Variants in NCKAP5 observed in about 807,000 individuals in gnomAD.
The protein encoded by NCKAP5 is NCK associated protein 5, also known as nck-associated protein 5.
A neutral mutation model predicts 167.0 loss-of-function variants in NCKAP5; 92 were observed. That is an observed-to-expected ratio of 0.55 (90% CI 0.47 to 0.66). The LOEUF (loss-of-function observed/expected upper bound fraction) is 0.66. NCKAP5 is among the 30% of genes least tolerant of loss of function. The pLI is 0.00. For synonymous variants in NCKAP5, 891 were observed against 877.4 expected, an observed-to-expected ratio of 1.02 and a Z score of -0.27; for missense variants, 2,378 against 2,315.0, an observed-to-expected ratio of 1.03 and a Z score of -0.56.
intron 8 of NCKAP5, 126 bp downstream of exon 8, chr2:132,963,594 C>T (rs1558995581): frequency 1.7e-5 from 17 of 988,800 alleles, no homozygotes; most frequent in South Asian, 1.0e-4. Context: ...AGCAGGAAAT[C>T]GTAGATCATA....
chr2:133,424,863 C>A (rs1022454639), intron 3 of NCKAP5, among the ~76,000 whole-genome samples: 6 of 152,110 alleles, frequency 3.9e-5, no homozygotes, highest in African/African-American at 1.4e-4. Flanking sequence ...GCAAACCAGC[C>A]TCCATAAAAA....
At chr2:132,869,661 T>C (rs1475777374) in intron 9 of NCKAP5, among the ~76,000 whole-genome samples, 2 of 152,190 alleles carry the variant, frequency 1.3e-5, no homozygotes, top group Non-Finnish European at 2.9e-5. Flanking sequence ...GACAAAATTC[T>C]GGCCAATAAG....
chr2:133,537,199 T>C (rs1364881605), intron 2 of NCKAP5, among the ~76,000 whole-genome samples: 2 of 152,118 alleles, frequency 1.3e-5, no homozygotes, highest in Non-Finnish European at 2.9e-5. Context: ...TTGATTACTA[T>C]AGATTTATAG....
chr2:133,291,996 C>A (rs1345765757), intron 4 of NCKAP5, among the ~76,000 whole-genome samples: 2 of 152,094 alleles, frequency 1.3e-5, no homozygotes, highest in African/African-American at 2.4e-5. Context: ...GGCCCAAACA[C>A]CCCTCCCCAG....
At chr2:133,519,653 G>T (rs1224791187) in intron 2 of NCKAP5, among the ~76,000 whole-genome samples, 1 of 152,156 alleles carries the variant, frequency 6.6e-6, no homozygotes, top group Non-Finnish European at 1.5e-5. Context: ...AATAGATTGT[G>T]CTTTGGCCTT....
intron 16 of NCKAP5, among the ~76,000 whole-genome samples, chr2:132,769,709 C>T (rs572678086): frequency 1.3e-5 from 2 of 152,350 alleles, no homozygotes; most frequent in East Asian, 3.9e-4. Flanking sequence ...TGGAAAGCAA[C>T]ATGCTAACTT....
At chr2:133,135,899 T>C (rs561346263) in intron 5 of NCKAP5, among the ~76,000 whole-genome samples, 5 of 152,312 alleles carry the variant, frequency 3.3e-5, no homozygotes, top group African/African-American at 4.8e-5. Flanking sequence ...TTGTCTAATA[T>C]ACTTCAGCTA....
intron 5 of NCKAP5, among the ~76,000 whole-genome samples, chr2:133,192,076 T>C (rs1190525346): frequency 6.6e-6 from 1 of 152,036 alleles, no homozygotes; most frequent in South Asian, 2.1e-4. Flanking sequence ...ATCATGACTG[T>C]GTGTTATCAG....
At chr2:132,777,833 T>A (rs532667630) in intron 15 of NCKAP5, among the ~76,000 whole-genome samples, 42 of 152,248 alleles carry the variant, frequency 2.8e-4, no homozygotes, top group Non-Finnish European at 5.1e-4. Flanking sequence ...TATTTGATGC[T>A]TTTTTATTAG....
intron 8 of NCKAP5, chr2:132,931,553 T>C (rs1696379754): frequency 6.6e-6 from 1 of 152,200 alleles, no homozygotes; most frequent in East Asian, 1.9e-4. Context: ...GCTAACTTCC[T>C]TACTTGTAAA....
chr2:132,981,801 T>C (rs1023929610), intron 7 of NCKAP5, among the ~76,000 whole-genome samples: 2 of 152,246 alleles, frequency 1.3e-5, no homozygotes, highest in African/African-American at 2.4e-5. Flanking sequence ...CTCTCTGAAG[T>C]ATCTGTCATC....
rs182160667 is a variant in NCKAP5, at chr2:133,403,178, A to T, written c.70-100068T>A. ...GGTATGATTTAGAAAGTGAGCCTGC[A>T]AAAACTCTTTTTCAAGACAAATAAT... On this transcript the variant is annotated intron_variant, in intron 3 of 19. Transcript: ENST00000409261. Among the ~76,000 whole-genome samples the T allele has an allele frequency of 3.9e-5, 6 of 152,328 alleles. No individual in the cohort carries two copies. In the East Asian group the frequency reaches 1.2e-3, roughly 29 times the overall value.
chr2:133,183,430 C>G (rs1574300232), intron 5 of NCKAP5, among the ~76,000 whole-genome samples: 1 of 151,894 alleles, frequency 6.6e-6, no homozygotes, highest in Non-Finnish European at 1.5e-5. Flanking sequence ...ATCAGAGGGA[C>G]ATGAGAATGG....
At chr2:133,666,267 G>A in the NCKAP5 span, among the ~76,000 whole-genome samples, 2 of 145,142 alleles carry the variant, frequency 1.4e-5, no homozygotes, top group Admixed American at 7.1e-5. Context: ...GCGCGATCTC[G>A]GCTCACTGCA....
chr2:133,502,468 AATAG>A (rs753509386), intron 3 of NCKAP5, among the ~76,000 whole-genome samples: 2 of 152,284 alleles, frequency 1.3e-5, no homozygotes, highest in African/African-American at 4.8e-5. Flanking sequence ...GGCCAAATAC[AATAG>A]ATAGATAGAT....
intron 11 of NCKAP5, among the ~76,000 whole-genome samples, chr2:132,809,256 A>AAAT (rs368047853): frequency 1.6e-3 from 249 of 152,214 alleles, no homozygotes; most frequent in African/African-American, 5.4e-3. Context: ...TTGTTGAATG[A>AAAT]AATATTCTGT....
chr2:133,389,135 G>A lies in NCKAP5; in HGVS notation c.70-86025C>T, dbSNP rs985208574. Among the ~76,000 whole-genome samples the A allele has an allele frequency of 5.3e-5, 8 of 152,160 alleles. No homozygotes were observed. In the East Asian group the frequency reaches 1.3e-3, roughly 26 times the overall value. On this transcript the variant is annotated intron_variant, in intron 3 of 19. Coordinates refer to ENST00000409261, the MANE Select transcript of NCKAP5 (RefSeq NM_207363.3). ...CCCGTCTTCTGCGTCACTCATGCTG[G>A]GAGCTGTACACTGGAGCTGCTCCTG... is the stretch of plus-strand genomic sequence containing the variant.
At chr2:132,682,602 A>G (rs2105048954) in intron 19 of NCKAP5, among the ~76,000 whole-genome samples, 1 of 152,328 alleles carries the variant, frequency 6.6e-6, no homozygotes, top group East Asian at 1.9e-4. Flanking sequence ...TTGAGTTAGA[A>G]TCATCTACCC....
chr2:133,445,768 G>T (rs997929848), intron 3 of NCKAP5, among the ~76,000 whole-genome samples: 3 of 152,130 alleles, frequency 2.0e-5, no homozygotes, highest in Non-Finnish European at 1.5e-5. Flanking sequence ...GTGAACAGAG[G>T]CACAGAGGGG....
Sources: gnomAD v4.1 joint callset for allele counts (sites outside exome capture counted in the v4.1 genomes callset) on GRCh38, gnomAD v4.1.1 for gene constraint, MANE v1.5 for transcripts, NCBI Gene and HGNC (gene_info 2026-07-23, HGNC 2026-07-21) for gene names.